The following PALM2AKAP2 variants were observed in gnomAD, a reference collection of about 807,000 sequenced individuals.
PALM2AKAP2 encodes the protein PALM2-AKAP2 fusion protein.
In PALM2AKAP2, 37 loss-of-function variants were observed where a neutral mutation model predicts 71.5. That is an observed-to-expected ratio of 0.52 (90% CI 0.40 to 0.68). The LOEUF is 0.68. PALM2AKAP2 is among the 30% of genes least tolerant of loss of function. The pLI is 0.00. For missense variants in PALM2AKAP2, 1,224 were observed against 1,191.8 expected, an observed-to-expected ratio of 1.03 and a Z score of -0.40; for synonymous variants, 468 against 478.8, an observed-to-expected ratio of 0.98 and a Z score of 0.29.
intron 1 of PALM2AKAP2, among the ~76,000 whole-genome samples, chr9:110,131,436 C>T (rs1184094628): frequency 6.6e-6 from 1 of 152,208 alleles, no homozygotes; most frequent in Admixed American, 6.5e-5. Flanking sequence ...TGCATCTTAT[C>T]TGAATCTGGA....
chr9:110,003,931 A>G (rs570276438), intron 6 of PALM2AKAP2, among the ~76,000 whole-genome samples: 5 of 152,210 alleles, frequency 3.3e-5, no homozygotes, highest in African/African-American at 1.2e-4. Context: ...GTCTCTGCAC[A>G]TGAGGTAGGT....
chr9:109,661,527 C>A (rs899372206), intron 1 of PALM2AKAP2, among the ~76,000 whole-genome samples: 1 of 152,106 alleles, frequency 6.6e-6, no homozygotes, highest in Admixed American at 6.5e-5. Context: ...GTCTTTATAT[C>A]TGTTTTGGTA....
chr9:110,028,651 T>C (rs914265519), intron 7 of PALM2AKAP2, among the ~76,000 whole-genome samples: 1 of 152,144 alleles, frequency 6.6e-6, no homozygotes, highest in Admixed American at 6.6e-5. Context: ...TAAGTGCAGG[T>C]TTATTTTTTT....
rs2181152 is a variant in PALM2AKAP2, at chr9:109,705,080, T to A, written c.5+64214T>A. Among the ~76,000 whole-genome samples, 1,481 of 152,248 alleles carry A rather than the reference T, an allele frequency of 9.7e-3. 21 individuals are homozygous for A. The highest frequency in any genetic ancestry group is 0.033 in the African/African-American group (1,381 of 41,544). On this transcript the variant is annotated intron_variant, in intron 1 of 6. Transcript: ENST00000374531. ...AAGGTTTTATGAGCATGAAAAGATG[T>A]CTGGAAAGAACTTAGCCCACCAGGA...
chr9:109,692,983 G>A (rs1158726219), intron 1 of PALM2AKAP2, among the ~76,000 whole-genome samples: 1 of 151,082 alleles, frequency 6.6e-6, no homozygotes, highest in Non-Finnish European at 1.5e-5. Flanking sequence ...ATTTAATGGT[G>A]GCCTTATAAA....
intron 1 of PALM2AKAP2, among the ~76,000 whole-genome samples, chr9:110,117,730 G>A (rs575865010): frequency 1.5e-4 from 23 of 152,166 alleles, no homozygotes; most frequent in East Asian, 1.2e-3. Flanking sequence ...TTGACCATTC[G>A]TGAGGTCAGA....
intron 1 of PALM2AKAP2, among the ~76,000 whole-genome samples, chr9:110,120,664 C>G (rs141629779): frequency 1.3e-5 from 2 of 152,222 alleles, no homozygotes; most frequent in Non-Finnish European, 2.9e-5. Context: ...CCACTACACC[C>G]GGCTAATTTT....
upstream of PALM2AKAP2, among the ~76,000 whole-genome samples, chr9:110,045,613 G>A (rs1302409498): frequency 6.6e-6 from 1 of 152,024 alleles, no homozygotes; most frequent in Non-Finnish European, 1.5e-5. Context: ...TGTCGCCCAG[G>A]CTGGAGTGCA....
intron 6 of PALM2AKAP2, among the ~76,000 whole-genome samples, chr9:110,008,907 C>A (rs78404008): frequency 1.3e-5 from 2 of 151,722 alleles, no homozygotes; most frequent in African/African-American, 4.8e-5. Flanking sequence ...ATGTAGGACA[C>A]CTTGCTGCCC....
At chr9:109,770,682 G>C (rs1294783907) in intron 1 of PALM2AKAP2, among the ~76,000 whole-genome samples, 1 of 152,156 alleles carries the variant, frequency 6.6e-6, no homozygotes, top group East Asian at 1.9e-4. Flanking sequence ...GCCATCTTGG[G>C]TACACTTGGG....
At chr9:110,040,312 T>C (rs1833488732) in intron 7 of PALM2AKAP2, among the ~76,000 whole-genome samples, 1 of 152,222 alleles carries the variant, frequency 6.6e-6, no homozygotes, top group Non-Finnish European at 1.5e-5. Context: ...AAGTAATTAA[T>C]TTATTCTGTG....
chr9:109,816,922 G>A (rs550218315), intron 1 of PALM2AKAP2, among the ~76,000 whole-genome samples: 2 of 152,228 alleles, frequency 1.3e-5, no homozygotes, highest in South Asian at 2.1e-4. Flanking sequence ...GAAATGCAAC[G>A]GACAACTACC....
intron 2 of PALM2AKAP2, among the ~76,000 whole-genome samples, chr9:110,141,536 G>A (rs533645440): frequency 6.6e-6 from 1 of 152,150 alleles, no homozygotes; most frequent in Non-Finnish European, 1.5e-5. Context: ...GTATTGCTTG[G>A]CTGGCCAACC....
chr9:109,719,055 A>G (rs1587880767), intron 1 of PALM2AKAP2, among the ~76,000 whole-genome samples: 1 of 152,240 alleles, frequency 6.6e-6, no homozygotes, highest in East Asian at 1.9e-4. Flanking sequence ...ATTCAAGGCC[A>G]AACTCTGGAA....
intron 1 of PALM2AKAP2, among the ~76,000 whole-genome samples, chr9:110,109,131 G>A (rs763784754): frequency 5.9e-5 from 9 of 151,732 alleles, no homozygotes; most frequent in South Asian, 2.1e-4. Flanking sequence ...CAACCTTACC[G>A]ACATGGAGAA....
At chr9:109,724,760 A>C (rs1177285471) in intron 1 of PALM2AKAP2, among the ~76,000 whole-genome samples, 1 of 152,214 alleles carries the variant, frequency 6.6e-6, no homozygotes, top group African/African-American at 2.4e-5. Context: ...ATGGTTTCAG[A>C]GCTGGTGAGT....
intron 1 of PALM2AKAP2, among the ~76,000 whole-genome samples, chr9:110,057,173 AC>A (rs1833860326): frequency 6.6e-6 from 1 of 152,144 alleles, no homozygotes; most frequent in African/African-American, 2.4e-5. Flanking sequence ...TCTCCGTGTC[AC>A]CCAGATGGAG....
At chr9:109,952,764 G>A (rs1417641876) in intron 6 of PALM2AKAP2, among the ~76,000 whole-genome samples, 1 of 152,156 alleles carries the variant, frequency 6.6e-6, no homozygotes, top group Non-Finnish European at 1.5e-5. Context: ...TGTGTAGTTA[G>A]GTAGGCTGGA....
At chr9:109,806,716 T>G (rs1827582165) in intron 1 of PALM2AKAP2, among the ~76,000 whole-genome samples, 1 of 152,082 alleles carries the variant, frequency 6.6e-6, no homozygotes, top group African/African-American at 2.4e-5. Flanking sequence ...TCATACTTAG[T>G]GTGTTCAAAA....
Sources: allele counts gnomAD v4.1 joint callset (sites outside exome capture counted in the v4.1 genomes callset), GRCh38; gene constraint gnomAD v4.1.1; transcripts MANE v1.5; gene names NCBI Gene and HGNC (gene_info 2026-07-23, HGNC 2026-07-21).